FCHO1: variants seen among roughly 807,000 people sequenced by gnomAD.
FCHO1 encodes the protein F-BAR domain only protein 1.
A neutral mutation model predicts 114.4 loss-of-function variants in FCHO1; 45 were observed. The observed-to-expected ratio is 0.39, with a 90% CI of 0.31 to 0.50. The LOEUF (loss-of-function observed/expected upper bound fraction) is 0.50, where lower values mean the gene tolerates loss of function less well. Among genes scored for constraint, FCHO1 ranks in the 20% least tolerant of loss-of-function variants. FCHO1 has a pLI of 0.77. For synonymous variants in FCHO1, 480 were observed against 488.9 expected (o/e 0.98, Z 0.24); for missense variants, 1,042 against 1,209.6 (o/e 0.86, Z 2.06).
In FCHO1 at chr19:17,770,662, C is replaced by T. The variant is rs890930064; in HGVS notation, c.489+85C>T. ...CAGAGAGTGGAAACACATCCCAGAGCGACGGTCCTGGAACCTGTGGGTGAT... is the reference window on the plus strand; with the variant it reads ...CAGAGAGTGGAAACACATCCCAGAGTGACGGTCCTGGAACCTGTGGGTGAT... On this transcript the variant is annotated intron_variant, in intron 8 of 28. Coordinates refer to ENST00000596536, the MANE Select transcript of FCHO1 (RefSeq NM_015122.3). 1.1e-5 allele frequency: 18 copies of T among 1,575,546 alleles called. No homozygotes were observed. The African/African-American group carries it at 2.0e-4, about 18-fold the overall frequency.
intron 7 of FCHO1, among the ~76,000 whole-genome samples, chr19:17,767,074 G>T (rs1346031142): frequency 7.2e-6 from 1 of 138,576 alleles, no homozygotes; most frequent in East Asian, 2.1e-4. Context: ...GCTAAGAAGG[G>T]TTTTTTTTTT....
At chr19:17,762,437 A>G (rs2086671265) in intron 4 of FCHO1, among the ~76,000 whole-genome samples, 2 of 152,092 alleles carry the variant, frequency 1.3e-5, no homozygotes, top group Non-Finnish European at 2.9e-5. Flanking sequence ...GGAGACTGAG[A>G]CAGAAACGGC....
intron 13 of FCHO1, 108 bp from the exon 14 acceptor site, chr19:17,774,948 A>G (rs765704890): frequency 7.1e-6 from 9 of 1,270,296 alleles, no homozygotes; most frequent in African/African-American, 2.9e-5. Flanking sequence ...TCAGGGCAGT[A>G]TCACAGTCTG....
At position 17,781,185 on chromosome 19, in the gene FCHO1, G is replaced by C. The variant is rs369711526; in HGVS notation, c.1628-46G>C. 50 of 1,423,138 alleles carry C rather than the reference G, an allele frequency of 3.5e-5. 1 individual carries two copies. The African/African-American group carries it at 5.8e-4, about 17-fold the overall frequency. The allele number at this position is 1,423,138 out of a possible 1,614,324, so 88.2% of individuals were successfully genotyped here. On this transcript the variant is annotated intron_variant, in intron 20 of 28. Transcript: ENST00000596536. Reference sequence around the variant, plus strand: ...TTTGTGCCCCTGGGGAGGCCCCAGAGGCCCCGGGCAGCATCTCAGCAGTGC... The same window carrying C: ...TTTGTGCCCCTGGGGAGGCCCCAGACGCCCCGGGCAGCATCTCAGCAGTGC...
chr19:17,786,354 CAAA>C (rs1568379276), intron 26 of FCHO1, among the ~76,000 whole-genome samples: 2 of 129,718 alleles, frequency 1.5e-5, no homozygotes, highest in African/African-American at 5.8e-5. Flanking sequence ...CAAAAAAACA[CAAA>C]ACAAACACAC....
chr19:17,774,970 A>C (rs150717293), intron 13 of FCHO1, 86 bp from the exon 14 acceptor site: 2 of 1,483,542 alleles, frequency 1.3e-6, no homozygotes, highest in Admixed American at 1.7e-5. Flanking sequence ...GAGCTGCCCC[A>C]GCTTCCATGT....
At position 17,780,315 on chromosome 19, in the gene FCHO1, C is replaced by T. The variant is rs530694551; in HGVS notation, c.1628-916C>T. ...AGTAGCTGGGACTACAGGTGCGTAC[C>T]GCCACACGTGGCTAATTTTTGTATT... On this transcript the variant is annotated intron_variant, in intron 20 of 28. Transcript: ENST00000596536. Among the ~76,000 whole-genome samples, 8 of 152,112 alleles carry T rather than the reference C, an allele frequency of 5.3e-5. No homozygotes were observed. The East Asian group carries it at 7.7e-4, about 15-fold the overall frequency.
At chr19:17,766,954 T>C in intron 7 of FCHO1, 144 bp downstream of exon 7, 8 of 946,794 alleles carry the variant, frequency 8.4e-6, no homozygotes, top group Non-Finnish European at 1.2e-5. Flanking sequence ...GCCCAGGGTC[T>C]TACGGACCTG....
chr19:17,764,125 C>T (rs1373965035), intron 5 of FCHO1, among the ~76,000 whole-genome samples: 3 of 151,996 alleles, frequency 2.0e-5, no homozygotes, highest in Non-Finnish European at 4.4e-5. Context: ...CCGCAACCTC[C>T]ACCTCCTAGG....
rs763392437 is a variant in FCHO1 at position 17,784,176 on chromosome 19, C to T, written c.2167C>T (p.Arg723Cys). The change falls in exon 25 of 29, where the codon CGC becomes TGC. Residue 723 changes from arginine (R) to cysteine (C), a missense_variant. Coordinates refer to ENST00000596536, the MANE Select transcript of FCHO1 (RefSeq NM_015122.3). The surrounding 1 kb of genome is among the most constrained non-coding windows in gnomAD (Gnocchi z 5.3). ...GGCAGCTCTGACCGAAGCCCTGCAG[C>T]GCCAGGCAGAGCAGAACCCCACTGC... ...NMAALTEALQ[R>C]QAEQNPTASY... 2.7e-5 allele frequency: 44 copies of T among 1,613,846 alleles called. No individual in the cohort carries two copies. The highest frequency in any genetic ancestry group is 1.7e-4 in the Middle Eastern group (1 of 6,048).
In FCHO1 at chr19:17,784,948, G is replaced by A; in HGVS notation, c.2426+24G>A. The A allele has an allele frequency of 6.2e-7, 1 of 1,604,260 alleles. No homozygotes were observed. Among genetic ancestry groups the A allele is most frequent in the Non-Finnish European group, 8.5e-7 (1 of 1,179,342 alleles). On this transcript the variant is annotated intron_variant, in intron 26 of 28. Coordinates refer to ENST00000596536, the MANE Select transcript of FCHO1 (RefSeq NM_015122.3). This position sits in a 1 kb window ranked among gnomAD's most constrained non-coding sequence, Gnocchi z 5.3. The stretch of plus-strand genomic sequence containing the variant: ...TGGTGAGGGCTTGCGGGAGGCCAAG[G>A]AAAACTCAGCAGTTTCCCCCATAAC...
Position 17,775,389 on chromosome 19 carries a change from T to G in FCHO1, c.946-67T>G, listed in dbSNP as rs367552274. ...GCCTGGGGGCAGGGCGGGGGGCGGT[T>G]GGCAGGGTGAGATGGAAGGTTCGAT... On this transcript the variant is annotated intron_variant, in intron 14 of 28. Coordinates refer to ENST00000596536, the MANE Select transcript of FCHO1 (RefSeq NM_015122.3). This position sits in a 1 kb window ranked among gnomAD's most constrained non-coding sequence, Gnocchi z 5.1. 6.6e-7 allele frequency: 1 copy of G among 1,507,072 alleles called. No homozygotes were observed. The highest frequency in any genetic ancestry group is 1.1e-5 in the South Asian group (1 of 88,892). 93.4% of individuals were successfully genotyped at this position (1,507,072 alleles called of 1,614,324 possible).
rs1303481111 is a variant in FCHO1 at position 17,776,977 on chromosome 19, T to C, written c.1259+291T>C. ...CACGCCCAGCTAACTTTTGTATTTT[T>C]AGTAGAGACAGGGTTTCACCATGTT... On this transcript the variant is annotated intron_variant, in intron 18 of 28. Coordinates refer to ENST00000596536, the MANE Select transcript of FCHO1 (RefSeq NM_015122.3). This position sits in a 1 kb window ranked among gnomAD's most constrained non-coding sequence, Gnocchi z 4.4. Among the ~76,000 whole-genome samples, 3 of 151,804 alleles carry C rather than the reference T, an allele frequency of 2.0e-5. No individual in the cohort carries two copies. Among genetic ancestry groups the C allele is most frequent in the Non-Finnish European group, 4.4e-5 (3 of 67,958 alleles).
In FCHO1 at chr19:17,772,575, G is replaced by A. The variant is rs1256350706; in HGVS notation, c.693+20G>A. ...GGGCAGGTGAGTTGGGCAGGTGTGA[G>A]GAATGAGGCTGGGGTCACTGCTGGG... On this transcript the variant is annotated intron_variant, in intron 10 of 28. Coordinates refer to ENST00000596536, the MANE Select transcript of FCHO1 (RefSeq NM_015122.3). 1 of 1,613,942 alleles carries A rather than the reference G, an allele frequency of 6.2e-7. No homozygotes were observed. The highest frequency in any genetic ancestry group is 8.5e-7 in the Non-Finnish European group (1 of 1,179,818).
At chr19:17,766,350 C>G (rs1465983714) in intron 6 of FCHO1, among the ~76,000 whole-genome samples, 7 of 151,668 alleles carry the variant, frequency 4.6e-5, no homozygotes, top group Admixed American at 4.6e-4. Context: ...GTTGCTCAGG[C>G]TGGTCTGGAA....
chr19:17,763,401 C>T (rs894206647), intron 5 of FCHO1, among the ~76,000 whole-genome samples: 2 of 151,352 alleles, frequency 1.3e-5, no homozygotes, highest in African/African-American at 4.9e-5. Flanking sequence ...GTAGCTGAGA[C>T]TACAGGTGCC....
chr19:17,787,873 A>G (rs192040583), intron 28 of FCHO1, 27 bp downstream of exon 28: 542 of 1,603,196 alleles, frequency 3.4e-4, no homozygotes, highest in Non-Finnish European at 3.4e-4. Flanking sequence ...CTGCTGGGTG[A>G]CCTCAGGAGC....
At chr19:17,783,335 C>T (rs776947040) in intron 24 of FCHO1, among the ~76,000 whole-genome samples, 163 bp downstream of exon 24, 9 of 151,326 alleles carry the variant, frequency 5.9e-5, no homozygotes, top group Non-Finnish European at 1.0e-4. Context: ...GGCGTCATCT[C>T]GGCTCACTGC....
At chr19:17,770,697 G>C in intron 8 of FCHO1, 95 bp from the exon 9 acceptor site, 1 of 1,579,250 alleles carries the variant, frequency 6.3e-7, no homozygotes, top group East Asian at 2.2e-5. Flanking sequence ...TCACACCCTG[G>C]GTACCCCGAG....
Sources: allele counts gnomAD v4.1 joint callset (sites outside exome capture counted in the v4.1 genomes callset), GRCh38; gene constraint gnomAD v4.1.1; non-coding constraint Gnocchi (gnomAD v3.1); transcripts MANE v1.5; gene names NCBI Gene and HGNC (gene_info 2026-07-23, HGNC 2026-07-21).